The following SNCAIP variants were observed in gnomAD, a reference collection of about 807,000 sequenced individuals.
SNCAIP encodes the protein synphilin-1.
Under a neutral mutation model 86.7 loss-of-function variants are expected in SNCAIP, and 43 were observed. The observed-to-expected ratio is 0.50, with a 90% CI of 0.39 to 0.64. The LOEUF (loss-of-function observed/expected upper bound fraction) is 0.64. Among genes scored for constraint, SNCAIP ranks in the 30% least tolerant of loss-of-function variants. The pLI, the probability that SNCAIP is intolerant of heterozygous loss-of-function variation, is 0.00. For synonymous variants in SNCAIP, 417 were observed against 427.2 expected, an observed-to-expected ratio of 0.98 and a Z score of 0.29; for missense variants, 981 against 1,103.1, an observed-to-expected ratio of 0.89 and a Z score of 1.57.
intron 10 of SNCAIP, among the ~76,000 whole-genome samples, chr5:122,459,582 G>T (rs540539592): frequency 2.3e-4 from 35 of 152,234 alleles, no homozygotes; most frequent in African/African-American, 8.2e-4. Flanking sequence ...TCAGATAAAT[G>T]CCTCAAGTTA....
chr5:122,336,244 T>C (rs144392655), intron 1 of SNCAIP, among the ~76,000 whole-genome samples: 1 of 152,338 alleles, frequency 6.6e-6, no homozygotes, highest in East Asian at 1.9e-4. Flanking sequence ...TTCAGTCTTA[T>C]GTACTGTATT....
At chr5:122,329,262 CAAAA>C (rs78307168) in intron 1 of SNCAIP, among the ~76,000 whole-genome samples, 6 of 81,200 alleles carry the variant, frequency 7.4e-5, no homozygotes, top group East Asian at 3.6e-4. Flanking sequence ...GGTAATGTGG[CAAAA>C]AAAAAAAAAA....
intron 1 of SNCAIP, among the ~76,000 whole-genome samples, chr5:122,384,636 T>C (rs1767706466): frequency 6.6e-6 from 1 of 152,224 alleles, no homozygotes; most frequent in Non-Finnish European, 1.5e-5. Context: ...TAAATCTTGA[T>C]ACAAAGTTTT....
In SNCAIP at chr5:122,451,234, A is replaced by G. The variant is rs1783628545; in HGVS notation, c.2387A>G (p.Lys796Arg). Reference protein sequence around the residue: ...TAAQKVATSPKSALKSPSSKR... With the variant: ...TAAQKVATSPRSALKSPSSKR... ...GCCCAGAAAGTTGCCACAAGTCCCA[A>G]GAGTGCCCTCAAGTCTCCATCTTCC... Residue 796 changes from lysine to arginine, a missense_variant, in exon 10 of 11, where the codon AAG (lysine) becomes AGG (arginine). Lys to Arg is a conservative substitution (Grantham distance 26, BLOSUM62 2). Transcript: ENST00000261368. The G allele has an allele frequency of 6.2e-7, 1 of 1,614,206 alleles. No homozygotes were observed. The highest frequency in any genetic ancestry group is 2.2e-5 in the East Asian group (1 of 44,882).
chr5:122,452,251 T>A (rs570836236), intron 10 of SNCAIP, among the ~76,000 whole-genome samples: 1 of 152,306 alleles, frequency 6.6e-6, no homozygotes, highest in Admixed American at 6.5e-5. Context: ...TGGAAACCCA[T>A]GCACTATAAT....
chr5:122,364,916 T>A (rs1024860258), intron 1 of SNCAIP, among the ~76,000 whole-genome samples: 1 of 152,212 alleles, frequency 6.6e-6, no homozygotes, highest in African/African-American at 2.4e-5. Flanking sequence ...CCTAAATTTT[T>A]AAAATATACT....
At chr5:122,432,367 C>G (rs771876908) in intron 6 of SNCAIP, among the ~76,000 whole-genome samples, 1 of 151,920 alleles carries the variant, frequency 6.6e-6, no homozygotes, top group Non-Finnish European at 1.5e-5. Flanking sequence ...ATGTATGATA[C>G]AAAACTGGTC....
At chr5:122,420,610 C>T (rs865982942) in intron 3 of SNCAIP, among the ~76,000 whole-genome samples, 2 of 151,536 alleles carry the variant, frequency 1.3e-5, no homozygotes, top group African/African-American at 4.9e-5. Context: ...TTATTTAAAG[C>T]CTTGCCGAAA....
At chr5:122,382,332 A>G (rs1767023483) in intron 1 of SNCAIP, among the ~76,000 whole-genome samples, 1 of 152,144 alleles carries the variant, frequency 6.6e-6, no homozygotes, top group South Asian at 2.1e-4. Flanking sequence ...AGTTGATCGC[A>G]TTGGCTCCTG....
chr5:122,415,637 A>G (rs1051941760), intron 3 of SNCAIP, among the ~76,000 whole-genome samples: 2 of 152,206 alleles, frequency 1.3e-5, no homozygotes, highest in Non-Finnish European at 2.9e-5. Flanking sequence ...CTCTCTTACC[A>G]AGGAGCAGTA....
intron 1 of SNCAIP, among the ~76,000 whole-genome samples, chr5:122,325,901 GTGAAGTGAGGGTTTCCTATCT>G (rs1489266742): frequency 6.6e-6 from 1 of 152,192 alleles, no homozygotes; most frequent in Non-Finnish European, 1.5e-5. Context: ...GAACTAAAAA[GTGAAGTGAGGGTTTCCTATCT>G]TGTTTCTGTG....
chr5:122,443,628 C>A (rs1263922185), intron 7 of SNCAIP: 3 of 456,922 alleles, frequency 6.6e-6, no homozygotes, highest in Non-Finnish European at 8.8e-6. Flanking sequence ...TTTTACACAC[C>A]ACTTTAGCTC....
rs199677929 is a variant in SNCAIP, at chr5:122,423,353, C to A, written c.616C>A (p.Pro206Thr). ...TGAGAGCTCATCATCCAACATGGCA[C>A]CATTTTGTGTTCTTTCTCCCGTGAA... ...SSESSSSNMA[P>T]FCVLSPVKSP... Residue 206 changes from proline to threonine, a missense_variant, in exon 4 of 11, where the codon CCA becomes ACA. Pro to Thr is a conservative substitution (Grantham distance 38). Transcript: ENST00000261368. The A allele has an allele frequency of 2.4e-5, 39 of 1,613,850 alleles. No individual in the cohort carries two copies. Among genetic ancestry groups the A allele is most frequent in the Non-Finnish European group, 3.2e-5 (38 of 1,179,850 alleles).
intron 5 of SNCAIP, among the ~76,000 whole-genome samples, chr5:122,430,139 C>A (rs2152940959): frequency 6.6e-6 from 1 of 152,236 alleles, no homozygotes; most frequent in South Asian, 2.1e-4. Context: ...CATTGTCCTC[C>A]TTTTAGAATA....
intron 5 of SNCAIP, among the ~76,000 whole-genome samples, chr5:122,431,411 G>A (rs1470117556): frequency 1.3e-5 from 2 of 152,066 alleles, no homozygotes; most frequent in South Asian, 2.1e-4. Context: ...ATACTTCTCA[G>A]CAATAGAAAA....
At chr5:122,420,869 A>G (rs1776242763) in intron 3 of SNCAIP, among the ~76,000 whole-genome samples, 1 of 152,256 alleles carries the variant, frequency 6.6e-6, no homozygotes, top group Non-Finnish European at 1.5e-5. Context: ...TTTCATAAAT[A>G]ACTTTAGCAA....
intron 1 of SNCAIP, among the ~76,000 whole-genome samples, chr5:122,367,098 G>C (rs1561592001): frequency 6.6e-6 from 1 of 152,074 alleles, no homozygotes; most frequent in Non-Finnish European, 1.5e-5. Flanking sequence ...TGATGGTATT[G>C]TCAAGTAAGG....
intron 6 of SNCAIP, among the ~76,000 whole-genome samples, chr5:122,433,718 G>C (rs906697066): frequency 2.6e-5 from 4 of 152,146 alleles, no homozygotes; most frequent in Non-Finnish European, 5.9e-5. Flanking sequence ...ATGATTACTG[G>C]TTATTAAGGC....
intron 10 of SNCAIP, chr5:122,453,041 CTT>C: frequency 8.2e-7 from 1 of 1,214,670 alleles, no homozygotes; most frequent in Non-Finnish European, 1.2e-6. Context: ...ACATGCTTTG[CTT>C]TGAATTGCAT....
Sources: gnomAD v4.1 joint callset for allele counts (sites outside exome capture counted in the v4.1 genomes callset) on GRCh38, gnomAD v4.1.1 for gene constraint, MANE v1.5 for transcripts, NCBI Gene and HGNC (gene_info 2026-07-23, HGNC 2026-07-21) for gene names.